Variants in PPM1L observed in about 807,000 individuals in gnomAD.
The protein encoded by PPM1L is protein phosphatase 1L.
PPM1L carries 13 observed loss-of-function variants against 31.4 expected under a neutral mutation model. The observed-to-expected ratio is 0.41, with a 90% CI of 0.27 to 0.66. PPM1L has a LOEUF of 0.66. Among genes scored for constraint, PPM1L ranks in the 30% least tolerant of loss-of-function variants. The pLI is 0.29. For synonymous variants in PPM1L, 184 were observed against 175.4 expected (o/e 1.05, Z -0.39); for missense variants, 326 against 453.7 (o/e 0.72, Z 2.56).
intron 1 of PPM1L, among the ~76,000 whole-genome samples, chr3:160,929,562 G>C (rs570252884): frequency 1.3e-5 from 2 of 152,362 alleles, no homozygotes; most frequent in East Asian, 1.9e-4. Context: ...TCAGTGTCTA[G>C]TTAAGTGTTT....
chr3:160,915,475 C>CCATACTA (rs201921771), intron 1 of PPM1L, among the ~76,000 whole-genome samples: 61,607 of 151,296 alleles, frequency 0.41, 13,396 homozygotes, highest in East Asian at 0.57. Context: ...ATGAAAATGG[C>CCATACTA]CATACTACCC....
At chr3:161,038,823 G>A (rs150892605) in intron 2 of PPM1L, among the ~76,000 whole-genome samples, 6 of 152,138 alleles carry the variant, frequency 3.9e-5, no homozygotes, top group African/African-American at 1.4e-4. Flanking sequence ...GAAATCTACC[G>A]GGCTGCATTC....
chr3:161,025,115 A>G (rs1014862388), intron 2 of PPM1L, among the ~76,000 whole-genome samples: 1 of 152,176 alleles, frequency 6.6e-6, no homozygotes, highest in African/African-American at 2.4e-5. Context: ...TTACCCTGCC[A>G]TTCCAGAAGT....
chr3:160,977,879 G>A (rs1466579303), intron 2 of PPM1L, among the ~76,000 whole-genome samples: 1 of 152,102 alleles, frequency 6.6e-6, no homozygotes, highest in African/African-American at 2.4e-5. Context: ...TTTTTCAGTG[G>A]AGACAACTTC....
intron 2 of PPM1L, among the ~76,000 whole-genome samples, chr3:160,985,454 G>A (rs151304655): frequency 1.6e-4 from 25 of 152,312 alleles, no homozygotes; most frequent in Admixed American, 7.8e-4. Flanking sequence ...TCCTAGTATA[G>A]TATTATAGTG....
chr3:161,011,010 C>CAAAA (rs1717876300), intron 2 of PPM1L, among the ~76,000 whole-genome samples: 1 of 152,172 alleles, frequency 6.6e-6, no homozygotes, highest in Non-Finnish European at 1.5e-5. Context: ...TACAGAAGCT[C>CAAAA]TTTAGTGTAA....
In PPM1L at chr3:160,756,751, T is replaced by TCG. The variant is rs778610709; in HGVS notation, c.399+45_399+46dup. ...CTTTGTATTTGTGTCCGTGTATGTC[T>TCG]CGTGTGTGTGTGTGTGTGTGTGTGT... On this transcript the variant is annotated intron_variant, in intron 1 of 3. Transcript: ENST00000498165. This position sits in a 1 kb window ranked among gnomAD's most constrained non-coding sequence, Gnocchi z 6.2. The TCG allele has an allele frequency of 8.5e-7, 1 of 1,181,392 alleles. No individual in the cohort carries two copies. Among genetic ancestry groups the TCG allele is most frequent in the African/African-American group, 2.6e-5 (1 of 38,186 alleles). 73.2% of individuals were successfully genotyped at this position (1,181,392 alleles called of 1,614,324 possible).
chr3:160,897,774 A>G (rs1713392720), intron 1 of PPM1L, among the ~76,000 whole-genome samples: 1 of 152,248 alleles, frequency 6.6e-6, no homozygotes. Flanking sequence ...TAGCAGAGCT[A>G]AAAGCTCCAG....
In PPM1L at chr3:161,069,313, A is replaced by G; in HGVS notation, c.*156A>G. The G allele has an allele frequency of 1.6e-6, 1 of 638,386 alleles. No homozygotes were observed. The highest frequency in any genetic ancestry group is 2.8e-5 in the East Asian group (1 of 36,252). The allele number at this position is 638,386 out of a possible 1,614,324, so 39.5% of individuals were successfully genotyped here. A position where few individuals can be genotyped will look rare whatever the true frequency, so the allele number is the denominator to read the frequency against. On this transcript the variant is annotated 3_prime_UTR_variant, in exon 4 of 4. Coordinates refer to ENST00000498165, the MANE Select transcript of PPM1L (RefSeq NM_139245.4). The stretch of plus-strand genomic sequence containing the variant: ...GTCTTAGGTCTATAATCAGTGACGA[A>G]CAGAGGGTGCCCTTGGCCAATGTAG...
intron 2 of PPM1L, among the ~76,000 whole-genome samples, chr3:161,048,086 TG>T (rs1414200122): frequency 3.3e-5 from 5 of 152,190 alleles, no homozygotes; most frequent in African/African-American, 1.2e-4. Flanking sequence ...AATTGACAAA[TG>T]GGATCTAATT....
At chr3:160,899,203 A>C (rs1713455351) in intron 1 of PPM1L, among the ~76,000 whole-genome samples, 1 of 152,140 alleles carries the variant, frequency 6.6e-6, no homozygotes, top group African/African-American at 2.4e-5. Flanking sequence ...TCTAACTGAG[A>C]TCTAACTGAT....
intron 2 of PPM1L, among the ~76,000 whole-genome samples, chr3:160,984,298 G>A (rs759019274): frequency 4.6e-5 from 7 of 152,098 alleles, no homozygotes; most frequent in Non-Finnish European, 7.4e-5. Context: ...AGAATTCAGC[G>A]ATACTTCTCT....
intron 2 of PPM1L, among the ~76,000 whole-genome samples, chr3:160,995,607 C>A (rs551195960): frequency 9.8e-5 from 15 of 152,288 alleles, no homozygotes; most frequent in Non-Finnish European, 1.8e-4. Flanking sequence ...AGGCATGAGC[C>A]ACCATGCCTG....
chr3:160,827,402 C>T (rs149206995), intron 1 of PPM1L, among the ~76,000 whole-genome samples: 28 of 149,960 alleles, frequency 1.9e-4, no homozygotes, highest in African/African-American at 6.4e-4. Flanking sequence ...GGGTGGCATG[C>T]GTTGATTTAC....
chr3:160,830,541 G>T (rs1713496014), intron 1 of PPM1L, among the ~76,000 whole-genome samples: 2 of 152,090 alleles, frequency 1.3e-5, no homozygotes, highest in African/African-American at 4.8e-5. Context: ...ATGGAAGTTT[G>T]GATTAATGGA....
At chr3:160,885,161 G>A (rs1267290533) in intron 1 of PPM1L, among the ~76,000 whole-genome samples, 1 of 152,208 alleles carries the variant, frequency 6.6e-6, no homozygotes, top group East Asian at 1.9e-4. Flanking sequence ...CTGACCTAAG[G>A]TATTAGAAAT....
intron 2 of PPM1L, among the ~76,000 whole-genome samples, chr3:161,023,975 C>T (rs1280227950): frequency 6.6e-6 from 1 of 152,210 alleles, no homozygotes. Flanking sequence ...TTTCCCAAAT[C>T]TTCCCCTTAA....
intron 1 of PPM1L, among the ~76,000 whole-genome samples, chr3:160,867,557 A>G (rs183986871): frequency 3.3e-5 from 5 of 151,968 alleles, no homozygotes; most frequent in Admixed American, 3.3e-4. Context: ...TTTTCCTTAT[A>G]TGCTTAAATC....
intron 2 of PPM1L, among the ~76,000 whole-genome samples, chr3:161,014,868 G>C (rs1576784511): frequency 6.6e-6 from 1 of 152,128 alleles, no homozygotes; most frequent in Non-Finnish European, 1.5e-5. Context: ...GGGATGGGGG[G>C]AGTCATATTG....
Sources: allele counts gnomAD v4.1 joint callset (sites outside exome capture counted in the v4.1 genomes callset), GRCh38; gene constraint gnomAD v4.1.1; non-coding constraint Gnocchi (gnomAD v3.1); transcripts MANE v1.5; gene names NCBI Gene and HGNC (gene_info 2026-07-23, HGNC 2026-07-21).